The following NBAS variants were observed in gnomAD, a reference collection of about 807,000 sequenced individuals.
The protein encoded by NBAS is NBAS subunit of NRZ tethering complex.
NBAS carries 219 observed loss-of-function variants against 302.5 expected under a neutral mutation model. The observed-to-expected ratio is 0.72, with a 90% CI of 0.65 to 0.81. The LOEUF is 0.81. NBAS is among the 30% of genes least tolerant of loss of function. The pLI is 0.00. For missense variants in NBAS, 2,932 were observed against 2,841.6 expected (o/e 1.03, Z -0.72); for synonymous variants, 1,118 against 1,021.6 (o/e 1.09, Z -1.80).
chr2:15,447,758 A>G (rs1234969993), intron 21 of NBAS, among the ~76,000 whole-genome samples: 1 of 152,194 alleles, frequency 6.6e-6, no homozygotes, highest in African/African-American at 2.4e-5. Flanking sequence ...AATAAATCAA[A>G]GCACAAGTGT....
intron 21 of NBAS, among the ~76,000 whole-genome samples, chr2:15,437,422 CT>C (rs1434347069): frequency 1.3e-5 from 2 of 152,134 alleles, no homozygotes; most frequent in African/African-American, 2.4e-5. Flanking sequence ...CTATGTGAGC[CT>C]TTTACAATCA....
chr2:15,235,883 G>A (rs1331995630), intron 45 of NBAS, among the ~76,000 whole-genome samples: 1 of 152,166 alleles, frequency 6.6e-6, no homozygotes, highest in African/African-American at 2.4e-5. Context: ...GCAATTTCTA[G>A]TATCCTCACC....
At chr2:15,403,690 C>A (rs189918803) in intron 25 of NBAS, among the ~76,000 whole-genome samples, 2 of 152,108 alleles carry the variant, frequency 1.3e-5, no homozygotes, top group Non-Finnish European at 2.9e-5. Context: ...AGCAATCCCC[C>A]CCAGATACTG....
chr2:15,025,536 C>T, the NBAS span, among the ~76,000 whole-genome samples: 1 of 152,168 alleles, frequency 6.6e-6, no homozygotes, highest in Non-Finnish European at 1.5e-5. Flanking sequence ...AGCATTGAAT[C>T]TGTAAATTGC....
the NBAS span, among the ~76,000 whole-genome samples, chr2:14,807,352 C>T: frequency 2.4e-3 from 364 of 152,148 alleles, no homozygotes; most frequent in African/African-American, 8.0e-3. Context: ...AATGTCCAAA[C>T]TTCTTGTTTT....
chr2:14,915,085 C>T, the NBAS span, among the ~76,000 whole-genome samples: 1 of 152,190 alleles, frequency 6.6e-6, no homozygotes, highest in South Asian at 2.1e-4. Context: ...TGAGGAAGAG[C>T]ACCAAGGCTT....
rs769588567 is a variant in NBAS at position 15,218,763 on chromosome 2, A to G, written c.6432+10T>C. Reference sequence around the variant, plus strand: ...TAGTAAGAAAAATAATCATTCAGACACTCCCTTACCTGTCTCTGGGGCCAG... The same window carrying G: ...TAGTAAGAAAAATAATCATTCAGACGCTCCCTTACCTGTCTCTGGGGCCAG... On this transcript the variant is annotated intron_variant, in intron 48 of 51. Transcript: ENST00000281513. 2 of 1,613,924 alleles carry G rather than the reference A, an allele frequency of 1.2e-6. No individual in the cohort carries two copies. Among genetic ancestry groups the G allele is most frequent in the South Asian group, 1.1e-5 (1 of 91,066 alleles).
the NBAS span, among the ~76,000 whole-genome samples, chr2:15,156,846 C>A: frequency 6.6e-6 from 1 of 152,174 alleles, no homozygotes; most frequent in Non-Finnish European, 1.5e-5. Flanking sequence ...ACATAATTTC[C>A]GCTGCCTCTA....
chr2:15,359,746 A>T (rs1159111346), intron 32 of NBAS, among the ~76,000 whole-genome samples: 1 of 152,198 alleles, frequency 6.6e-6, no homozygotes, highest in African/African-American at 2.4e-5. Flanking sequence ...ATTAAAATGT[A>T]AGCTTTTGAC....
chr2:14,801,562 A>G, the NBAS span, among the ~76,000 whole-genome samples: 1 of 152,054 alleles, frequency 6.6e-6, no homozygotes, highest in Non-Finnish European at 1.5e-5. Flanking sequence ...GGCTCCTTGA[A>G]TATATGGAAT....
At position 15,242,394 on chromosome 2, in the gene NBAS, G is replaced by A. The variant is rs565937744; in HGVS notation, c.5725-3708C>T. ...TTCCTGAGCCAGCTAGAACCTCTAA[G>A]AAGCAGAATGATATTATGATTAAAA... On this transcript the variant is annotated intron_variant, in intron 44 of 51. Transcript: ENST00000281513. Among the ~76,000 whole-genome samples the A allele has an allele frequency of 8.5e-5, 13 of 152,274 alleles. No homozygotes were observed. In the South Asian group the frequency reaches 2.5e-3, roughly 29 times the overall value.
chr2:15,041,927 G>A, the NBAS span, among the ~76,000 whole-genome samples: 1,149 of 152,252 alleles, frequency 7.5e-3, 14 homozygotes, highest in Non-Finnish European at 0.012. Flanking sequence ...GAGAGCACAC[G>A]TTCCCAAGTA....
intron 21 of NBAS, among the ~76,000 whole-genome samples, chr2:15,447,381 A>G (rs1298306170): frequency 1.3e-5 from 2 of 152,222 alleles, no homozygotes; most frequent in East Asian, 3.8e-4. Flanking sequence ...TGAGAGGGAA[A>G]GACAGTTCTT....
chr2:14,952,857 G>A, the NBAS span, among the ~76,000 whole-genome samples: 1 of 152,236 alleles, frequency 6.6e-6, no homozygotes, highest in African/African-American at 2.4e-5. Context: ...CTCTAAGAGA[G>A]TAAAACAGTC....
intron 19 of NBAS, among the ~76,000 whole-genome samples, chr2:15,466,009 T>C (rs1298948052): frequency 1.3e-5 from 2 of 152,212 alleles, no homozygotes; most frequent in African/African-American, 4.8e-5. Context: ...AATGTGATCA[T>C]CCAATAGCCA....
At chr2:14,801,181 C>T in the NBAS span, among the ~76,000 whole-genome samples, 1 of 151,938 alleles carries the variant, frequency 6.6e-6, no homozygotes, top group Admixed American at 6.6e-5. Flanking sequence ...TTATAATTTC[C>T]ATTCATTGGT....
chr2:15,168,788 C>T (rs1344741086), intron 51 of NBAS, among the ~76,000 whole-genome samples: 1 of 152,222 alleles, frequency 6.6e-6, no homozygotes, highest in East Asian at 1.9e-4. Context: ...TGGCACCACG[C>T]CTGGCTAATT....
intron 27 of NBAS, among the ~76,000 whole-genome samples, chr2:15,396,048 G>C (rs1417399073): frequency 6.6e-6 from 1 of 152,050 alleles, no homozygotes; most frequent in East Asian, 1.9e-4. Flanking sequence ...AATTGCTGCA[G>C]GAACTAACAT....
At position 15,218,341 on chromosome 2, in the gene NBAS, T is replaced by C. The variant is rs1357510608; in HGVS notation, c.6432+432A>G. On this transcript the variant is annotated intron_variant, in intron 48 of 51. Coordinates refer to ENST00000281513, the MANE Select transcript of NBAS (RefSeq NM_015909.4). The stretch of plus-strand genomic sequence containing the variant: ...TCAAGTACTAAATAGCTGATTGATA[T>C]ATATACTGGAAAGTTTGCATTACCA... 2.6e-5 allele frequency among the ~76,000 whole-genome samples: 4 copies of C among 152,118 alleles called. No homozygotes were observed. In the East Asian group the frequency reaches 5.8e-4, roughly 22 times the overall value.
Sources: allele counts gnomAD v4.1 joint callset (sites outside exome capture counted in the v4.1 genomes callset), GRCh38; gene constraint gnomAD v4.1.1; transcripts MANE v1.5; gene names NCBI Gene and HGNC (gene_info 2026-07-23, HGNC 2026-07-21).